The following MYO1E variants were observed in gnomAD, a reference collection of about 807,000 sequenced individuals.
MYO1E encodes unconventional myosin-Ie.
Under a neutral mutation model 151.1 loss-of-function variants are expected in MYO1E, and 68 were observed. That is an observed-to-expected ratio of 0.45 (90% CI 0.37 to 0.55). MYO1E has a LOEUF of 0.55. Ranked by LOEUF, MYO1E falls within the 20% of genes least tolerant of loss-of-function variation. The pLI is 0.00. For synonymous variants in MYO1E, 601 were observed against 501.7 expected (o/e 1.20, Z -2.64); for missense variants, 1,363 against 1,389.3 (o/e 0.98, Z 0.30).
At chr15:59,149,291 C>G (rs1211351067) in intron 26 of MYO1E, among the ~76,000 whole-genome samples, 1 of 152,040 alleles carries the variant, frequency 6.6e-6, no homozygotes, top group African/African-American at 2.4e-5. Context: ...CTCCTGACCT[C>G]GTGATCCACC....
chr15:59,147,607 A>AAAAAAAC (rs2079449329), intron 26 of MYO1E, among the ~76,000 whole-genome samples: 1 of 151,102 alleles, frequency 6.6e-6, no homozygotes, highest in South Asian at 2.1e-4. Flanking sequence ...AAAAAAAAAA[A>AAAAAAAC]AAAAAAAACA....
At chr15:59,229,497 G>T (rs1349582461) in intron 6 of MYO1E, among the ~76,000 whole-genome samples, 1 of 152,170 alleles carries the variant, frequency 6.6e-6, no homozygotes, top group African/African-American at 2.4e-5. Flanking sequence ...TAGCAGCCTG[G>T]GGGGGATGAC....
chr15:59,365,207 C>G (rs1046345277), intron 1 of MYO1E, among the ~76,000 whole-genome samples: 45 of 151,998 alleles, frequency 3.0e-4, no homozygotes, highest in African/African-American at 1.0e-3. Flanking sequence ...TTAGTAGAGA[C>G]AGGGTTTCAC....
At chr15:59,353,757 CAAA>C (rs11366940) in intron 1 of MYO1E, among the ~76,000 whole-genome samples, 10 of 129,832 alleles carry the variant, frequency 7.7e-5, no homozygotes, top group Admixed American at 2.3e-4. Flanking sequence ...AACTCCGTCT[CAAA>C]AAAAAAAAAA....
At chr15:59,196,742 CA>C (rs1261942472) in intron 16 of MYO1E, among the ~76,000 whole-genome samples, 2 of 152,142 alleles carry the variant, frequency 1.3e-5, no homozygotes, top group Non-Finnish European at 2.9e-5. Flanking sequence ...TGAGGACAGA[CA>C]GGGCTGCAGA....
rs1566981199 is a variant in MYO1E at position 59,214,640 on chromosome 15, C to G, written c.1188G>C (p.Gln396His). ...VLDIYGFEIFQKNGFEQFCIN... is the reference protein window; with the variant it reads ...VLDIYGFEIFHKNGFEQFCIN... ...CCCTAGTTATTAAAACTGGCCTTAC[C>G]TGGAATATTTCAAAGCCATAGATGT... is the stretch of plus-strand genomic sequence containing the variant. The change falls in exon 11 of 28, where the codon CAG becomes CAC. Residue 396 changes from glutamine to histidine, a missense_variant and splice_region_variant. By Grantham distance (24) the Gln-to-His change is conservative. Transcript: ENST00000288235. 1.2e-6 allele frequency: 2 copies of G among 1,608,624 alleles called. No individual in the cohort carries two copies. Among genetic ancestry groups the G allele is most frequent in the Non-Finnish European group, 1.7e-6 (2 of 1,175,028 alleles).
At chr15:59,204,292 G>A (rs1467896390) in intron 15 of MYO1E, among the ~76,000 whole-genome samples, 1 of 152,200 alleles carries the variant, frequency 6.6e-6, no homozygotes, top group Non-Finnish European at 1.5e-5. Context: ...GGAGCTACAG[G>A]GAGAGAAGTA....
At position 59,138,330 on chromosome 15, in the gene MYO1E, C is replaced by G. The variant is rs372582214; in HGVS notation, c.3118G>C (p.Gly1040Arg). Residue 1040 changes from glycine (G) to arginine (R), a missense_variant, in exon 27 of 28, where the codon GGG becomes CGG. Coordinates refer to ENST00000288235, the MANE Select transcript of MYO1E (RefSeq NM_004998.4). ...RQTTSRPPPA[G>R]GRPKPQPKPK... ...TTGGGCTGGGGCTTGGGTCTGCCCC[C>G]TGCTGGGGGAGGCCGACTGGTTGTT... The G allele has an allele frequency of 6.2e-6, 10 of 1,614,214 alleles. No homozygotes were observed. Among genetic ancestry groups the G allele is most frequent in the East Asian group, 2.2e-5 (1 of 44,880 alleles).
chr15:59,308,364 C>G (rs1289866247), intron 1 of MYO1E, among the ~76,000 whole-genome samples: 4 of 150,502 alleles, frequency 2.7e-5, no homozygotes, highest in African/African-American at 9.8e-5. Flanking sequence ...GGTGAAACCT[C>G]ATCTCTACTA....
chr15:59,178,265 C>G, intron 19 of MYO1E, 128 bp downstream of exon 19: 1 of 1,211,048 alleles, frequency 8.3e-7, no homozygotes, highest in Non-Finnish European at 1.2e-6. Flanking sequence ...GGAGGGAAGG[C>G]TTCTTTGAGG....
chr15:59,218,757 A>G (rs1466294414), intron 9 of MYO1E, among the ~76,000 whole-genome samples: 2 of 152,240 alleles, frequency 1.3e-5, no homozygotes, highest in Non-Finnish European at 2.9e-5. Flanking sequence ...AGATATTACT[A>G]CTTGCTGGGG....
Position 59,137,225 on chromosome 15 carries a change from C to T in MYO1E, c.*155G>A, listed in dbSNP as rs1385856872. 1.4e-5 allele frequency: 10 copies of T among 717,750 alleles called. No individual in the cohort carries two copies. The highest frequency in any genetic ancestry group is 2.5e-5 in the Non-Finnish European group (10 of 407,010). The allele number at this position is 717,750 out of a possible 1,614,324, so 44.5% of individuals were successfully genotyped here. A position where few individuals can be genotyped will look rare whatever the true frequency, so the allele number is the denominator to read the frequency against. Reference sequence around the variant, plus strand: ...GTGATACTCCCTGTCCCCAACCCAGCCTTTTCAGTGTCCTCCATGGGGAAG... The same window carrying T: ...GTGATACTCCCTGTCCCCAACCCAGTCTTTTCAGTGTCCTCCATGGGGAAG... On this transcript the variant is annotated 3_prime_UTR_variant, in exon 28 of 28. Transcript: ENST00000288235.
chr15:59,302,596 T>G (rs1338843949), intron 1 of MYO1E, among the ~76,000 whole-genome samples: 2 of 152,172 alleles, frequency 1.3e-5, no homozygotes, highest in Non-Finnish European at 1.5e-5. Context: ...TAATTAGACA[T>G]AACACAACTG....
chr15:59,332,234 G>A (rs534281703), intron 1 of MYO1E, among the ~76,000 whole-genome samples: 1 of 152,312 alleles, frequency 6.6e-6, no homozygotes, highest in South Asian at 2.1e-4. Context: ...AAAGTCACGG[G>A]TAAGGGAGAA....
At chr15:59,298,859 G>T (rs556561855) in intron 1 of MYO1E, among the ~76,000 whole-genome samples, 1 of 152,290 alleles carries the variant, frequency 6.6e-6, no homozygotes, top group Non-Finnish European at 1.5e-5. Context: ...CGCCATTCTT[G>T]TTTCCACAAG....
chr15:59,234,168 T>C (rs1229848736), intron 5 of MYO1E, among the ~76,000 whole-genome samples: 4 of 152,102 alleles, frequency 2.6e-5, no homozygotes, highest in African/African-American at 9.7e-5. Context: ...TTCCCTGATA[T>C]GCTCACCACA....
At chr15:59,334,988 T>G (rs1319607357) in intron 1 of MYO1E, among the ~76,000 whole-genome samples, 1 of 152,080 alleles carries the variant, frequency 6.6e-6, no homozygotes, top group Non-Finnish European at 1.5e-5. Context: ...ATCCACCAAC[T>G]CCTCCTCGCT....
chr15:59,197,386 T>TA (rs2140331203), intron 16 of MYO1E, among the ~76,000 whole-genome samples: 1 of 152,320 alleles, frequency 6.6e-6, no homozygotes, highest in East Asian at 1.9e-4. Context: ...TAAGAAAACA[T>TA]AGAGAGGCAA....
At chr15:59,222,434 C>G (rs557907487) in intron 9 of MYO1E, among the ~76,000 whole-genome samples, 2 of 152,092 alleles carry the variant, frequency 1.3e-5, no homozygotes, top group South Asian at 2.1e-4. Context: ...TAGGAAGAAC[C>G]CTGATTTTTT....
Sources: allele counts gnomAD v4.1 joint callset (sites outside exome capture counted in the v4.1 genomes callset), GRCh38; gene constraint gnomAD v4.1.1; transcripts MANE v1.5; gene names NCBI Gene and HGNC (gene_info 2026-07-23, HGNC 2026-07-21).